FRY: variants seen among roughly 807,000 people sequenced by gnomAD.
FRY encodes the protein protein furry homolog.
A neutral mutation model predicts 348.4 loss-of-function variants in FRY; 128 were observed. The ratio of observed to expected loss-of-function variants is 0.37; its 90% CI spans 0.32 to 0.43. The LOEUF (loss-of-function observed/expected upper bound fraction) is 0.43, where lower values mean the gene tolerates loss of function less well. Among genes scored for constraint, FRY ranks in the 20% least tolerant of loss-of-function variants. The pLI, the probability that FRY is intolerant of heterozygous loss-of-function variation, is 1.00. For synonymous variants in FRY, 1,370 were observed against 1,374.7 expected (o/e 1.00, Z 0.08); for missense variants, 2,736 against 3,695.2 (o/e 0.74, Z 6.73).
At chr13:32,242,865 A>G (rs1057124785) in intron 46 of FRY, among the ~76,000 whole-genome samples, 2 of 152,200 alleles carry the variant, frequency 1.3e-5, no homozygotes, top group African/African-American at 4.8e-5. Flanking sequence ...CTCCGTAAAT[A>G]TTGTGTAATT....
At chr13:32,196,779 A>C (rs1304842296) in intron 29 of FRY, among the ~76,000 whole-genome samples, 1 of 152,192 alleles carries the variant, frequency 6.6e-6, no homozygotes, top group Non-Finnish European at 1.5e-5. Context: ...TTCATAAAAC[A>C]TGTTAATATA....
chr13:32,170,312 G>T (rs1415307292), intron 17 of FRY, among the ~76,000 whole-genome samples: 1 of 152,134 alleles, frequency 6.6e-6, no homozygotes, highest in East Asian at 1.9e-4. Flanking sequence ...GTGGTATCTT[G>T]GATTGCATTC....
chr13:32,202,605 G>C, intron 31 of FRY, 78 bp downstream of exon 31: 2 of 1,228,458 alleles, frequency 1.6e-6, no homozygotes, highest in Non-Finnish European at 2.4e-6. Context: ...ATAATGACAT[G>C]TGATCATTTC....
At position 32,131,640 on chromosome 13, in the gene FRY, T is replaced by A. The variant is rs780512527; in HGVS notation, c.717-32T>A. 27 of 1,566,526 alleles carry A rather than the reference T, an allele frequency of 1.7e-5. No homozygotes were observed. In the South Asian group the frequency reaches 3.0e-4, roughly 17 times the overall value. On this transcript the variant is annotated intron_variant, in intron 7 of 60. Transcript: ENST00000542859. The stretch of plus-strand genomic sequence containing the variant: ...CCATTACAGGGACTTTCCTACCCAA[T>A]ATTTGATAAACCACTTATGTTATCT...
chr13:32,137,113 T>C, intron 11 of FRY, 141 bp downstream of exon 11: 1 of 667,732 alleles, frequency 1.5e-6, no homozygotes, highest in Non-Finnish European at 2.7e-6. Context: ...AAAATATTAA[T>C]AAGAGTTCTT....
chr13:32,282,951 G>T (rs1206693682), intron 58 of FRY, among the ~76,000 whole-genome samples: 1 of 152,032 alleles, frequency 6.6e-6, no homozygotes, highest in Non-Finnish European at 1.5e-5. Context: ...GACCTTCCTG[G>T]ACAACATGGT....
At chr13:32,218,677 C>CA (rs10717683) in intron 35 of FRY, 72 bp from the exon 36 acceptor site, 25,438 of 566,864 alleles carry the variant, frequency 0.045, 45 homozygotes, top group Non-Finnish European at 0.047. Flanking sequence ...GACTCCAACT[C>CA]AAAAAAAAAA....
chr13:32,207,690 T>C (rs1202193842), intron 31 of FRY, among the ~76,000 whole-genome samples: 1 of 152,240 alleles, frequency 6.6e-6, no homozygotes, highest in Non-Finnish European at 1.5e-5. Flanking sequence ...TGTCTGATTA[T>C]TGTGATATAA....
At chr13:32,076,176 T>G (rs1482274620) in intron 1 of FRY, among the ~76,000 whole-genome samples, 1 of 152,210 alleles carries the variant, frequency 6.6e-6, no homozygotes, top group Non-Finnish European at 1.5e-5. Context: ...TCACTGTAGT[T>G]AAGACTTTTA....
At chr13:32,093,057 T>G (rs906303567) in intron 2 of FRY, among the ~76,000 whole-genome samples, 1 of 152,204 alleles carries the variant, frequency 6.6e-6, no homozygotes, top group Non-Finnish European at 1.5e-5. Flanking sequence ...CTAATGGTCA[T>G]CTTCAACAAT....
Position 32,209,639 on chromosome 13 carries a change from A to G in FRY, c.4330A>G (p.Asn1444Asp). 6.2e-7 allele frequency: 1 copy of G among 1,614,082 alleles called. No homozygotes were observed. The highest frequency in any genetic ancestry group is 1.1e-5 in the South Asian group (1 of 91,080). The change falls in exon 33 of 61, where the codon AAC becomes GAC. Residue 1444 changes from asparagine to aspartate, a missense_variant. Asn to Asp is a conservative substitution (Grantham distance 23). Around this residue, in one of 9 missense-constraint regions of FRY, gnomAD observed 794 missense variants for 977.0 expected, o/e 0.81. Coordinates refer to ENST00000542859, the MANE Select transcript of FRY (RefSeq NM_023037.3). ...EMENAWNALA[N>D]NEKWSNNLRI... ...GGAAAATGCTTGGAATGCTTTAGCCAACAATGAGAAATGGAGCAACAACCT... is the reference window on the plus strand; with the variant it reads ...GGAAAATGCTTGGAATGCTTTAGCCGACAATGAGAAATGGAGCAACAACCT...
At chr13:32,161,015 A>G (rs1217498268) in intron 16 of FRY, 129 bp from the exon 17 acceptor site, 6 of 702,914 alleles carry the variant, frequency 8.5e-6, no homozygotes, top group African/African-American at 1.8e-5. Flanking sequence ...ATTTGAGAGT[A>G]ATATGGAGCT....
rs536338619 is a variant in FRY at position 32,245,901 on chromosome 13, C to T, written c.6829-1422C>T. On this transcript the variant is annotated intron_variant, in intron 47 of 60. Coordinates refer to ENST00000542859, the MANE Select transcript of FRY (RefSeq NM_023037.3). ...TGGAAGCTCATTGATGAAGATATAC[C>T]GTATAAATTTTAGACATTCCTTTCC... Among the ~76,000 whole-genome samples the T allele has an allele frequency of 1.8e-4, 28 of 152,262 alleles. No individual in the cohort carries two copies. In the South Asian group the frequency reaches 4.6e-3, roughly 25 times the overall value.
chr13:32,228,400 C>T lies in FRY; in HGVS notation c.5207-56C>T, dbSNP rs1885716477. ...GCCCTCCTCTGTGGACCTCATTAAG[C>T]ATGCTGACAAGCACACTGCCTAGTA... On this transcript the variant is annotated intron_variant, in intron 39 of 60. Transcript: ENST00000542859. 3.0e-5 allele frequency: 39 copies of T among 1,282,364 alleles called. 1 individual carries two copies. In the South Asian group the frequency reaches 3.8e-4, roughly 12 times the overall value. 79.4% of individuals were successfully genotyped at this position (1,282,364 alleles called of 1,614,324 possible).
rs143479905 is a variant in FRY at position 32,082,192 on chromosome 13, T to C, written c.270+3159T>C. On this transcript the variant is annotated intron_variant, in intron 2 of 60. Coordinates refer to ENST00000542859, the MANE Select transcript of FRY (RefSeq NM_023037.3). ...AAATTAAAGCTTAAGGTTTTATTTA[T>C]GACTTTGCAATATCCAGATAGCCAA... Among the ~76,000 whole-genome samples the C allele has an allele frequency of 2.2e-3, 327 of 146,752 alleles. 3 individuals are homozygous for C. The highest frequency in any genetic ancestry group is 7.1e-3 in the African/African-American group (284 of 39,964).
At chr13:32,215,991 T>C (rs1884970721) in intron 35 of FRY, among the ~76,000 whole-genome samples, 5 of 152,256 alleles carry the variant, frequency 3.3e-5, no homozygotes, top group Admixed American at 3.3e-4. Flanking sequence ...GAACGGTCTA[T>C]GTTGAAACAG....
At chr13:32,221,987 T>C (rs1885340114) in intron 36 of FRY, among the ~76,000 whole-genome samples, 1 of 151,948 alleles carries the variant, frequency 6.6e-6, no homozygotes, top group Non-Finnish European at 1.5e-5. Flanking sequence ...GTGGTGCTGG[T>C]GAATTGGTGA....
At chr13:32,110,519 G>A (rs34308804) in intron 3 of FRY, among the ~76,000 whole-genome samples, 2 of 152,068 alleles carry the variant, frequency 1.3e-5, no homozygotes, top group South Asian at 4.2e-4. Context: ...TCTTACTTGA[G>A]GGAGTTTGTG....
intron 15 of FRY, 83 bp from the exon 16 acceptor site, chr13:32,157,189 TA>T: frequency 8.2e-6 from 11 of 1,334,312 alleles, no homozygotes; most frequent in African/African-American, 1.4e-5. Context: ...AGGTCTTCAG[TA>T]AAAAATATTA....
Sources: allele counts gnomAD v4.1 joint callset (sites outside exome capture counted in the v4.1 genomes callset), GRCh38; gene constraint gnomAD v4.1.1; regional missense constraint gnomAD v4.1.1; transcripts MANE v1.5; gene names NCBI Gene and HGNC (gene_info 2026-07-23, HGNC 2026-07-21).